LCOR: variants seen among roughly 807,000 people sequenced by gnomAD.
The protein encoded by LCOR is ligand dependent nuclear receptor corepressor, also known as ligand-dependent corepressor.
In LCOR, 14 loss-of-function variants were observed where a neutral mutation model predicts 64.4. The observed-to-expected ratio is 0.22, with a 90% confidence interval of 0.14 to 0.34. The LOEUF (loss-of-function observed/expected upper bound fraction) is 0.34, where lower values mean the gene tolerates loss of function less well. Among genes scored for constraint, LCOR ranks in the 10% least tolerant of loss-of-function variants. The probability of loss-of-function intolerance (pLI) is 1.00; values close to 1 mark genes in which losing one functional copy is unlikely to be tolerated. For synonymous variants in LCOR, 643 were observed against 642.5 expected, an observed-to-expected ratio of 1.00 and a Z score of -0.01; for missense variants, 1,686 against 1,765.3, an observed-to-expected ratio of 0.96 and a Z score of 0.80.
intron 4 of LCOR, among the ~76,000 whole-genome samples, chr10:96,914,320 C>A (rs1430131856): frequency 6.6e-6 from 1 of 152,164 alleles, no homozygotes; most frequent in Admixed American, 6.5e-5. Context: ...CCTTAGCCCC[C>A]CTGAGTAGCT....
chr10:96,872,478 A>G (rs1227191069), intron 2 of LCOR, among the ~76,000 whole-genome samples: 1 of 152,162 alleles, frequency 6.6e-6, no homozygotes, highest in Non-Finnish European at 1.5e-5. Flanking sequence ...GGATCGCTTG[A>G]GATCAGAAGT....
At chr10:96,915,771 G>C (rs1290469713) in intron 4 of LCOR, 5 of 622,350 alleles carry the variant, frequency 8.0e-6, no homozygotes, top group South Asian at 4.1e-5. Context: ...TCCTTTGCAG[G>C]GCCCTTTTGA....
chr10:96,900,276 TTTTG>T (rs751451984), intron 2 of LCOR, among the ~76,000 whole-genome samples: 2 of 152,164 alleles, frequency 1.3e-5, no homozygotes, highest in Admixed American at 6.5e-5. Flanking sequence ...ATATACCACA[TTTTG>T]TTTATCACAG....
chr10:96,956,148 T>G (rs1847769660), intron 7 of LCOR: 2 of 1,338,614 alleles, frequency 1.5e-6, no homozygotes, highest in Non-Finnish European at 1.9e-6. Context: ...TGCATGTTTC[T>G]CTACAAAAGA....
At chr10:96,923,522 A>C (rs1186025305) in intron 4 of LCOR, among the ~76,000 whole-genome samples, 1 of 152,190 alleles carries the variant, frequency 6.6e-6, no homozygotes, top group Non-Finnish European at 1.5e-5. Flanking sequence ...CAAATAGAAA[A>C]TAAGTAACAC....
At chr10:96,843,670 A>G (rs763841939) in intron 2 of LCOR, among the ~76,000 whole-genome samples, 2 of 152,242 alleles carry the variant, frequency 1.3e-5, no homozygotes, top group African/African-American at 2.4e-5. Context: ...ACAAACACCC[A>G]GCTACATCAA....
At position 96,952,106 on chromosome 10, in the gene LCOR, G is replaced by T; in HGVS notation, c.242G>T (p.Gly81Val). Residue 81 changes from glycine to valine, a missense_variant, in exon 7 of 8, where the codon GGT becomes GTT. This residue lies in a region of LCOR where 80 missense variants were observed against 107.7 expected (regional missense o/e 0.74). Transcript: ENST00000421806. ...GTGTTTCTTTGTGTCTCTGCAGACG[G>T]TGTACTTGATCTGTCCACTAAGAAA... ...KSQSEPSEQDGVLDLSTKKSP... is the reference protein window; with the variant it reads ...KSQSEPSEQDVVLDLSTKKSP... 4 of 1,611,870 alleles carry T rather than the reference G, an allele frequency of 2.5e-6. No homozygotes were observed. Among genetic ancestry groups the T allele is most frequent in the Non-Finnish European group, 3.4e-6 (4 of 1,178,054 alleles).
chr10:96,954,270 T>C (rs867834864), intron 7 of LCOR, among the ~76,000 whole-genome samples: 5 of 152,324 alleles, frequency 3.3e-5, no homozygotes, highest in Non-Finnish European at 5.9e-5. Context: ...TGGTAAGTTA[T>C]AATGCAGTGG....
chr10:96,985,045 C>G lies in LCOR; in HGVS notation c.4585C>G (p.Pro1529Ala). The G allele has an allele frequency of 6.2e-7, 1 of 1,614,134 alleles. No homozygotes were observed. The change falls in exon 8 of 8, where the codon CCA becomes GCA. Residue 1529 changes from proline to alanine, a missense_variant. Transcript: ENST00000421806. Reference protein sequence around the residue: ...KTRARPSTKTPESSAAQRKRK... With the variant: ...KTRARPSTKTAESSAAQRKRK... Reference sequence around the variant, plus strand: ...TCGGGCCAGACCCTCAACGAAAACCCCAGAGAGCAGTGCAGCTCAGAGAAA... The same window carrying G: ...TCGGGCCAGACCCTCAACGAAAACCGCAGAGAGCAGTGCAGCTCAGAGAAA...
intron 7 of LCOR, among the ~76,000 whole-genome samples, chr10:96,973,972 A>G (rs1261531867): frequency 6.6e-6 from 1 of 152,192 alleles, no homozygotes; most frequent in Non-Finnish European, 1.5e-5. Flanking sequence ...AGCATTGCCC[A>G]CCCACCAGTA....
chr10:96,854,982 T>C (rs1845779247), intron 2 of LCOR, among the ~76,000 whole-genome samples: 1 of 152,220 alleles, frequency 6.6e-6, no homozygotes, highest in Non-Finnish European at 1.5e-5. Context: ...CCTCCTCTTA[T>C]GGCAGTAGCA....
chr10:96,868,405 G>T (rs557597841), intron 2 of LCOR, among the ~76,000 whole-genome samples: 1 of 151,698 alleles, frequency 6.6e-6, no homozygotes, highest in South Asian at 2.1e-4. Context: ...TTCCCGAGTA[G>T]CTGGGATTAC....
chr10:96,868,525 C>T (rs749087147), intron 2 of LCOR, among the ~76,000 whole-genome samples: 8 of 151,948 alleles, frequency 5.3e-5, no homozygotes, highest in East Asian at 1.9e-4. Flanking sequence ...GCACCTGCCT[C>T]GGCCTCCGAA....
intron 2 of LCOR, among the ~76,000 whole-genome samples, chr10:96,875,172 T>G (rs1846142350): frequency 6.6e-6 from 1 of 151,418 alleles, no homozygotes; most frequent in Admixed American, 6.6e-5. Flanking sequence ...ACCACAAGGT[T>G]AGGAGATCGA....
At chr10:96,840,818 CGTTT>C (rs1417340977) in intron 2 of LCOR, among the ~76,000 whole-genome samples, 2 of 152,186 alleles carry the variant, frequency 1.3e-5, no homozygotes, top group Non-Finnish European at 2.9e-5. Flanking sequence ...AGTAAAGCAG[CGTTT>C]GTTATAACTT....
In LCOR at chr10:96,944,187, A is replaced by T. The variant is rs571126874; in HGVS notation, c.-109A>T. ...CTCTGCTTAAACAAGAGCAAGCAAA[A>T]ATCATTCGATTCGAGAGACAAGCAG... On this transcript the variant is annotated 5_prime_UTR_variant, in exon 5 of 8. Coordinates refer to ENST00000421806, the MANE Select transcript of LCOR (RefSeq NM_001346516.2). The T allele has an allele frequency of 2.0e-6, 2 of 985,726 alleles. No homozygotes were observed. Among genetic ancestry groups the T allele is most frequent in the Admixed American group, 6.1e-5 (1 of 16,284 alleles). 61.1% of individuals were successfully genotyped at this position (985,726 alleles called of 1,614,324 possible). A position where few individuals can be genotyped will look rare whatever the true frequency, so the allele number is the denominator to read the frequency against.
chr10:96,849,858 C>CTTTTTTTTTTTTT (rs964263701), intron 2 of LCOR, among the ~76,000 whole-genome samples: 2 of 115,694 alleles, frequency 1.7e-5, no homozygotes, highest in African/African-American at 3.4e-5. Flanking sequence ...GTGTCACTCA[C>CTTTTTTTTTTTTT]TTTTTTTTTT....
At chr10:96,956,043 A>G (rs1847767591) in intron 7 of LCOR, 2 of 1,475,412 alleles carry the variant, frequency 1.4e-6, no homozygotes, top group East Asian at 2.4e-5. Context: ...CAGATTTTGC[A>G]TTGACTTGTG....
intron 7 of LCOR, among the ~76,000 whole-genome samples, chr10:96,975,674 A>G (rs572319849): frequency 7.2e-5 from 11 of 151,874 alleles, no homozygotes; most frequent in African/African-American, 2.2e-4. Flanking sequence ...GGAAGCTAAG[A>G]CAAAAACAAG....
Sources: allele counts gnomAD v4.1 joint callset (sites outside exome capture counted in the v4.1 genomes callset), GRCh38; gene constraint gnomAD v4.1.1; regional missense constraint gnomAD v4.1.1; transcripts MANE v1.5; gene names NCBI Gene and HGNC (gene_info 2026-07-23, HGNC 2026-07-21).